The following PCDHA1 variants were observed in gnomAD, a reference collection of about 807,000 sequenced individuals.
The protein encoded by PCDHA1 is protocadherin alpha 1.
In PCDHA1, 42 loss-of-function variants were observed where a neutral mutation model predicts 61.3. The ratio of observed to expected loss-of-function variants is 0.69; its 90% confidence interval spans 0.54 to 0.89. PCDHA1 has a LOEUF of 0.89. Ranked by LOEUF, PCDHA1 falls within the 40% of genes least tolerant of loss-of-function variation. The probability of loss-of-function intolerance (pLI) is 0.00; values close to 1 mark genes in which losing one functional copy is unlikely to be tolerated. For missense variants in PCDHA1, 1,256 were observed against 1,235.3 expected (o/e 1.02, Z -0.25); for synonymous variants, 610 against 553.8 (o/e 1.10, Z -1.43).
intron 1 of PCDHA1, among the ~76,000 whole-genome samples, chr5:140,909,407 T>C (rs1004172644): frequency 3.3e-5 from 5 of 152,172 alleles, no homozygotes; most frequent in Non-Finnish European, 7.3e-5. Context: ...GCAATTGCAG[T>C]TACCATTTGG....
At chr5:140,836,605 G>A (rs2150265383) in intron 1 of PCDHA1, 1 of 1,613,738 alleles carries the variant, frequency 6.2e-7, no homozygotes. Context: ...ACTCTGGTGT[G>A]CTCCAGCGCG....
intron 3 of PCDHA1, among the ~76,000 whole-genome samples, chr5:141,006,736 G>C (rs939000554): frequency 2.0e-5 from 3 of 152,122 alleles, no homozygotes; most frequent in African/African-American, 7.2e-5. Context: ...AGGTCTTGAT[G>C]ATGTATTATA....
chr5:140,870,732 T>G (rs782731773), intron 1 of PCDHA1: 27 of 1,613,288 alleles, frequency 1.7e-5, no homozygotes, highest in African/African-American at 2.7e-5. Flanking sequence ...GCGTGCCGCC[T>G]CTGAGCAGCA....
intron 2 of PCDHA1, among the ~76,000 whole-genome samples, chr5:140,979,714 T>G (rs1428916313): frequency 4.6e-5 from 7 of 152,270 alleles, no homozygotes; most frequent in African/African-American, 1.7e-4. Context: ...TGATCCAGTA[T>G]CCATGCCATG....
chr5:140,951,667 C>A (rs180768474), intron 1 of PCDHA1, among the ~76,000 whole-genome samples: 10 of 152,274 alleles, frequency 6.6e-5, no homozygotes, highest in African/African-American at 2.4e-4. Context: ...GGCCTGCCTA[C>A]AAAATTGGGG....
intron 1 of PCDHA1, chr5:140,869,945 T>TC: frequency 6.2e-7 from 1 of 1,612,376 alleles, no homozygotes. Context: ...ACATACTCCT[T>TC]AATGTCAATT....
At chr5:140,967,593 T>C (rs2096161783) in intron 1 of PCDHA1, 2 of 1,614,078 alleles carry the variant, frequency 1.2e-6, no homozygotes, top group Non-Finnish European at 1.7e-6. Context: ...GGCACATTGG[T>C]GGTGAAGCTG....
rs781863441 is a variant in PCDHA1 at position 140,858,454 on chromosome 5, C to A, written c.2394+69770C>A. The A allele has an allele frequency of 2.0e-6, 3 of 1,529,822 alleles. No homozygotes were observed. The South Asian group carries it at 3.6e-5, about 18-fold the overall frequency. The allele number at this position is 1,529,822 out of a possible 1,614,324, so 94.8% of individuals were successfully genotyped here. On this transcript the variant is annotated intron_variant, in intron 1 of 3. Coordinates refer to ENST00000504120, the MANE Select transcript of PCDHA1 (RefSeq NM_018900.4). ...CTAGGAAGGTGGGTTATTACGTTTT[C>A]ATTTTCCTTTTGTGCTTTATGAATA...
chr5:140,876,867 G>A, intron 1 of PCDHA1: 1 of 1,614,152 alleles, frequency 6.2e-7, no homozygotes, highest in Non-Finnish European at 8.5e-7. Context: ...TGTTCGTGAA[G>A]GAGAACAACC....
chr5:140,807,699 G>A (rs1267301172), intron 1 of PCDHA1: 1 of 1,614,214 alleles, frequency 6.2e-7, no homozygotes, highest in East Asian at 2.2e-5. Context: ...CTCACTTACA[G>A]ACTGAGCCCA....
intron 1 of PCDHA1, chr5:140,842,708 T>C (rs2150342617): frequency 6.3e-7 from 1 of 1,595,018 alleles, no homozygotes; most frequent in African/African-American, 1.3e-5. Context: ...GTACACGGTG[T>C]TCGTGAAGGA....
At chr5:140,801,365 G>A in intron 1 of PCDHA1, 1 of 1,613,478 alleles carries the variant, frequency 6.2e-7, no homozygotes, top group African/African-American at 1.3e-5. Flanking sequence ...GGCTGGAGCT[G>A]GCGGAGCTGG....
At position 140,797,162 on chromosome 5, in the gene PCDHA1, C is replaced by A. The variant is rs782645226; in HGVS notation, c.2394+8478C>A. ...GTGCCACCCACCGAGGGTGCGCGCG[C>A]GCCAGGAAAGCCCACGCTGGTGTGC... On this transcript the variant is annotated intron_variant, in intron 1 of 3. Transcript: ENST00000504120. 6.2e-7 allele frequency: 1 copy of A among 1,614,014 alleles called. No homozygotes were observed. The highest frequency in any genetic ancestry group is 8.5e-7 in the Non-Finnish European group (1 of 1,179,998).
intron 1 of PCDHA1, chr5:140,856,554 A>G: frequency 1.3e-6 from 2 of 1,598,244 alleles, no homozygotes; most frequent in Non-Finnish European, 1.7e-6. Context: ...TTGCTTACTT[A>G]CAAACTCAGT....
rs186269491 is a variant in PCDHA1, at chr5:140,841,020, C to A, written c.2394+52336C>A. Among the ~76,000 whole-genome samples, 45 of 152,032 alleles carry A rather than the reference C, an allele frequency of 3.0e-4. 2 individuals carry two copies. The highest frequency in any genetic ancestry group is 9.9e-4 in the African/African-American group (41 of 41,434). On this transcript the variant is annotated intron_variant, in intron 1 of 3. Coordinates refer to ENST00000504120, the MANE Select transcript of PCDHA1 (RefSeq NM_018900.4). ...TGTAAGGAGCCAGACAGTATGAATG[C>A]CTCTGCAATTGATAAAGTTAAGGAT...
intron 1 of PCDHA1, chr5:140,863,366 C>A: frequency 8.4e-7 from 1 of 1,190,444 alleles, no homozygotes; most frequent in Non-Finnish European, 1.2e-6. Context: ...CGGTGCTTGG[C>A]GCAGCTCACC....
At chr5:140,996,503 G>A (rs1306027159) in intron 3 of PCDHA1, among the ~76,000 whole-genome samples, 1 of 152,120 alleles carries the variant, frequency 6.6e-6, no homozygotes, top group African/African-American at 2.4e-5. Context: ...TGGCTTCTTG[G>A]GGCCCAGCAT....
intron 1 of PCDHA1, among the ~76,000 whole-genome samples, chr5:140,961,780 C>T (rs1192795559): frequency 6.6e-6 from 1 of 152,052 alleles, no homozygotes; most frequent in African/African-American, 2.4e-5. Flanking sequence ...AGCTTAATGG[C>T]ACTTTTTAAA....
chr5:140,809,535 A>C (rs138003823), intron 1 of PCDHA1: 1 of 1,613,920 alleles, frequency 6.2e-7, no homozygotes, highest in Non-Finnish European at 8.5e-7. Flanking sequence ...AGGGACAGAG[A>C]AGATCAGCTG....
Sources: allele counts gnomAD v4.1 joint callset (sites outside exome capture counted in the v4.1 genomes callset), GRCh38; gene constraint gnomAD v4.1.1; transcripts MANE v1.5; gene names NCBI Gene and HGNC (gene_info 2026-07-23, HGNC 2026-07-21).